Variants in EFCAB9 observed in about 807,000 individuals in gnomAD.
EFCAB9 encodes the protein EF-hand calcium binding domain 9, also known as EF-hand calcium-binding domain-containing protein 9.
Under a neutral mutation model 15.6 loss-of-function variants are expected in EFCAB9, and 16 were observed. The ratio of observed to expected loss-of-function variants is 1.03; its 90% CI spans 0.69 to 1.56. The LOEUF is 1.56. EFCAB9 is among the 40% of genes most tolerant of loss of function. EFCAB9 has a pLI of 0.00. For synonymous variants in EFCAB9, 76 were observed against 85.4 expected, an observed-to-expected ratio of 0.89 and a Z score of 0.61; for missense variants, 208 against 235.4, an observed-to-expected ratio of 0.88 and a Z score of 0.76.
chr5:172,196,596 G>A (rs1406488638), intron 1 of EFCAB9, among the ~76,000 whole-genome samples: 3 of 151,974 alleles, frequency 2.0e-5, no homozygotes, highest in Admixed American at 6.6e-5. Flanking sequence ...GGCTGGTCTT[G>A]AACTCGTGAC....
chr5:172,198,071 A>G (rs1053018049), intron 1 of EFCAB9, among the ~76,000 whole-genome samples: 1 of 152,116 alleles, frequency 6.6e-6, no homozygotes, highest in Non-Finnish European at 1.5e-5. Flanking sequence ...CAGAGTGCTG[A>G]TTGTGTGTTT....
intron 2 of EFCAB9, 106 bp downstream of exon 2, chr5:172,199,637 G>C (rs1291612238): frequency 7.0e-7 from 1 of 1,431,686 alleles, no homozygotes; most frequent in Admixed American, 2.4e-5. Context: ...GAAAAGATGG[G>C]TGGTGGGGAA....
intron 1 of EFCAB9, among the ~76,000 whole-genome samples, chr5:172,199,007 C>T (rs560977683): frequency 6.6e-6 from 1 of 152,324 alleles, no homozygotes; most frequent in South Asian, 2.1e-4. Context: ...TCTCAGTCCC[C>T]AGTGAGAATT....
At chr5:172,198,295 G>C (rs112130481) in intron 1 of EFCAB9, among the ~76,000 whole-genome samples, 1 of 151,994 alleles carries the variant, frequency 6.6e-6, no homozygotes, top group East Asian at 1.9e-4. Context: ...GATTGCTTGA[G>C]CCCAGGAGTT....
chr5:172,203,439 A>G lies in EFCAB9; in HGVS notation c.*94A>G, dbSNP rs1340924692. 1 of 1,399,150 alleles carries G rather than the reference A, an allele frequency of 7.1e-7. No individual in the cohort carries two copies. The highest frequency in any genetic ancestry group is 2.8e-5 in the Admixed American group (1 of 35,416). The allele number at this position is 1,399,150 out of a possible 1,614,324, so 86.7% of individuals were successfully genotyped here. ...TGTTAACATGTCTAAAAATAAATTCAGAGCATCAAAGTAGATATCTTTATA... is the reference window on the plus strand; with the variant it reads ...TGTTAACATGTCTAAAAATAAATTCGGAGCATCAAAGTAGATATCTTTATA... On this transcript the variant is annotated 3_prime_UTR_variant, in exon 4 of 4. Transcript: ENST00000398186.
chr5:172,196,784 T>C (rs1241218923), intron 1 of EFCAB9, among the ~76,000 whole-genome samples: 3 of 152,192 alleles, frequency 2.0e-5, no homozygotes. Context: ...TACATACAAC[T>C]GTAGACAGCC....
intron 3 of EFCAB9, among the ~76,000 whole-genome samples, chr5:172,202,020 A>T (rs1206477121): frequency 6.6e-6 from 1 of 152,126 alleles, no homozygotes; most frequent in Non-Finnish European, 1.5e-5. Context: ...CGGTGAAAAA[A>T]GTAATTGCGG....
At position 172,201,070 on chromosome 5, in the gene EFCAB9, TAAAAATGC is replaced by T. The variant is rs1480280994; in HGVS notation, c.462+335_462+342del. Among the ~76,000 whole-genome samples, 3 of 152,100 alleles carry T rather than the reference TAAAAATGC, an allele frequency of 2.0e-5. No individual in the cohort carries two copies. In the East Asian group the frequency reaches 5.8e-4, roughly 30 times the overall value. On this transcript the variant is annotated intron_variant, in intron 3 of 3. Transcript: ENST00000398186. ...TAACATTGTGAAACCCTGTCTCTAC[TAAAAATGC>T]AAAAATACAAAAATTGGCCAGGCGT... is the stretch of plus-strand genomic sequence containing the variant.
At chr5:172,197,199 C>G (rs1771178991) in intron 1 of EFCAB9, among the ~76,000 whole-genome samples, 1 of 152,060 alleles carries the variant, frequency 6.6e-6, no homozygotes, top group African/African-American at 2.4e-5. Flanking sequence ...CCTCTGCCTC[C>G]CGGGTTCAAA....
At chr5:172,200,209 C>A (rs1771233920) in intron 2 of EFCAB9, among the ~76,000 whole-genome samples, 1 of 152,090 alleles carries the variant, frequency 6.6e-6, no homozygotes, top group Non-Finnish European at 1.5e-5. Flanking sequence ...TGTGAGCCAC[C>A]ACACCCCGCC....
rs144782357 is a variant in EFCAB9 at position 172,194,461 on chromosome 5, G to A, written c.136+153G>A. Among the ~76,000 whole-genome samples the A allele has an allele frequency of 8.1e-3, 1,226 of 151,824 alleles. 7 individuals carry two copies. Among genetic ancestry groups the A allele is most frequent in the Middle Eastern group, 0.037 (11 of 294 alleles). On this transcript the variant is annotated intron_variant, in intron 1 of 3. Transcript: ENST00000398186. ...ATTGCCCAGGCTGGAGTACGATGGC[G>A]CGATCTCAGCTCACTGCAATCTCCG...
At chr5:172,196,274 G>A (rs533025645) in intron 1 of EFCAB9, among the ~76,000 whole-genome samples, 11 of 152,152 alleles carry the variant, frequency 7.2e-5, no homozygotes, top group East Asian at 1.9e-4. Context: ...ATCAAGAGGC[G>A]GTCAGAAGCC....
intron 3 of EFCAB9, 118 bp downstream of exon 3, chr5:172,200,860 A>G (rs1771245846): frequency 7.0e-6 from 7 of 998,470 alleles, no homozygotes; most frequent in Admixed American, 2.9e-5. Context: ...AACCTACTCA[A>G]ATAAGCACAT....
At chr5:172,196,478 CT>C (rs1177372809) in intron 1 of EFCAB9, among the ~76,000 whole-genome samples, 2 of 152,002 alleles carry the variant, frequency 1.3e-5, no homozygotes, top group South Asian at 2.1e-4. Context: ...CCTCCGCCTC[CT>C]GGGTTCAAGC....
At position 172,199,524 on chromosome 5, in the gene EFCAB9, C is replaced by T. The variant is rs1338122153; in HGVS notation, c.278C>T (p.Ala93Val). ...KFYMLVCMLL[A>V]HQNHLEGQFM... ...TACATGCTGGTGTGCATGCTGCTGG[C>T]CCACCAGGCAAGTAGCCGCGCGGCT... Residue 93 changes from alanine to valine, a missense_variant, in exon 2 of 4, where the codon GCC becomes GTC. Ala to Val is a moderately conservative substitution (Grantham distance 64, BLOSUM62 0). Transcript: ENST00000398186. 1 of 1,537,018 alleles carries T rather than the reference C, an allele frequency of 6.5e-7. No homozygotes were observed. The highest frequency in any genetic ancestry group is 1.4e-5 in the African/African-American group (1 of 73,024).
Position 172,200,559 on chromosome 5 carries a change from G to T in EFCAB9, c.286-7G>T, listed in dbSNP as rs554892277. 1.3e-6 allele frequency: 2 copies of T among 1,530,418 alleles called. No individual in the cohort carries two copies. Among genetic ancestry groups the T allele is most frequent in the South Asian group, 2.4e-5 (2 of 83,084 alleles). The allele number at this position is 1,530,418 out of a possible 1,614,324, so 94.8% of individuals were successfully genotyped here. A position where few individuals can be genotyped will look rare whatever the true frequency, so the allele number is the denominator to read the frequency against. Reference sequence around the variant, plus strand: ...GTTGCTCATCTCACCTATTTCTCTCGCAATAGAACCATTTGGAAGGACAGT... The same window carrying T: ...GTTGCTCATCTCACCTATTTCTCTCTCAATAGAACCATTTGGAAGGACAGT... On this transcript the variant is annotated splice_region_variant and splice_polypyrimidine_tract_variant and intron_variant, in intron 2 of 3. Transcript: ENST00000398186.
At chr5:172,198,657 C>A (rs1354788534) in intron 1 of EFCAB9, among the ~76,000 whole-genome samples, 4 of 152,298 alleles carry the variant, frequency 2.6e-5, no homozygotes, top group Admixed American at 2.0e-4. Flanking sequence ...TGGTCTGTCG[C>A]CCAGGCTGGA....
chr5:172,194,362 G>A (rs1302324814), intron 1 of EFCAB9, 54 bp downstream of exon 1: 11 of 1,506,168 alleles, frequency 7.3e-6, no homozygotes, highest in Non-Finnish European at 7.9e-6. Flanking sequence ...TTTAGCTAAT[G>A]TGTAAGAAAA....
chr5:172,202,305 C>G (rs1387798734), intron 3 of EFCAB9, among the ~76,000 whole-genome samples: 1 of 127,822 alleles, frequency 7.8e-6, no homozygotes, highest in Non-Finnish European at 1.6e-5. Context: ...CATGCCACTG[C>G]CTGGGCGACA....
Sources: allele counts gnomAD v4.1 joint callset (sites outside exome capture counted in the v4.1 genomes callset), GRCh38; gene constraint gnomAD v4.1.1; transcripts MANE v1.5; gene names NCBI Gene and HGNC (gene_info 2026-07-23, HGNC 2026-07-21).